Variants in ADAMTSL1 observed in about 807,000 individuals in gnomAD.
ADAMTSL1 encodes ADAMTS like 1.
A neutral mutation model predicts 201.8 loss-of-function variants in ADAMTSL1; 126 were observed. That is an observed-to-expected ratio of 0.62 (90% CI 0.54 to 0.72). The LOEUF is 0.72. Among genes scored for constraint, ADAMTSL1 ranks in the 30% least tolerant of loss-of-function variants. The pLI is 0.00. For synonymous variants in ADAMTSL1, 1,121 were observed against 903.4 expected (o/e 1.24, Z -4.32); for missense variants, 2,679 against 2,277.8 (o/e 1.18, Z -3.59).
At chr9:18,040,974 A>G (rs1309744772) in intron 1 of ADAMTSL1, among the ~76,000 whole-genome samples, 2 of 152,194 alleles carry the variant, frequency 1.3e-5, no homozygotes, top group Non-Finnish European at 2.9e-5. Context: ...GAAAATTTCA[A>G]TTTCTCAAGT....
chr9:18,273,762 T>C (rs553162757), intron 2 of ADAMTSL1, among the ~76,000 whole-genome samples: 2 of 152,314 alleles, frequency 1.3e-5, no homozygotes, highest in East Asian at 3.9e-4. Context: ...TCCTTGGTTG[T>C]AACCTAGATT....
At chr9:18,705,520 G>T (rs781735422) in intron 13 of ADAMTSL1, among the ~76,000 whole-genome samples, 1 of 152,120 alleles carries the variant, frequency 6.6e-6, no homozygotes, top group Non-Finnish European at 1.5e-5. Flanking sequence ...TCTTACTAAT[G>T]TAGCTTGTTT....
chr9:18,309,075 T>C (rs983148237), intron 2 of ADAMTSL1, among the ~76,000 whole-genome samples: 13 of 152,024 alleles, frequency 8.6e-5, no homozygotes, highest in African/African-American at 1.9e-4. Context: ...ACAAAACCAA[T>C]GACAAAAACC....
rs533495646 is a variant in ADAMTSL1 at position 18,077,144 on chromosome 9, C to A, written c.88-86718C>A. 2.6e-5 allele frequency among the ~76,000 whole-genome samples: 4 copies of A among 152,156 alleles called. No individual in the cohort carries two copies. In the East Asian group the frequency reaches 7.7e-4, roughly 29 times the overall value. On this transcript the variant is annotated intron_variant, in intron 1 of 29. Coordinates refer to the ADAMTSL1 transcript ENST00000680146. ...TTTGGACCAGTGGAATTTCTCATGC[C>A]TGTGAAATATCCAAATGTAGGTATA...
At chr9:18,040,976 T>C (rs1227010405) in intron 1 of ADAMTSL1, among the ~76,000 whole-genome samples, 1 of 152,204 alleles carries the variant, frequency 6.6e-6, no homozygotes, top group Non-Finnish European at 1.5e-5. Context: ...AAATTTCAAT[T>C]TCTCAAGTGA....
intron 1 of ADAMTSL1, among the ~76,000 whole-genome samples, chr9:17,959,030 G>T (rs993529670): frequency 1.3e-5 from 2 of 152,106 alleles, no homozygotes; most frequent in Admixed American, 1.3e-4. Flanking sequence ...TTTTCTGCCT[G>T]TGGGAATAGT....
chr9:18,254,237 G>C (rs900307882), intron 2 of ADAMTSL1, among the ~76,000 whole-genome samples: 4 of 148,188 alleles, frequency 2.7e-5, no homozygotes, highest in African/African-American at 5.0e-5. Context: ...TAGTGTGTTA[G>C]TCATCATTAT....
At chr9:18,063,544 A>T (rs1376869828) in intron 1 of ADAMTSL1, among the ~76,000 whole-genome samples, 1 of 152,230 alleles carries the variant, frequency 6.6e-6, no homozygotes. Flanking sequence ...TCATTGTTCA[A>T]AACAGGCATA....
At chr9:17,954,362 C>T (rs1310562253) in intron 1 of ADAMTSL1, among the ~76,000 whole-genome samples, 2 of 152,140 alleles carry the variant, frequency 1.3e-5, no homozygotes, top group African/African-American at 4.8e-5. Context: ...AATTAGAAGC[C>T]ATCTCAATGG....
chr9:18,612,744 G>A (rs568915517), intron 4 of ADAMTSL1, among the ~76,000 whole-genome samples: 3 of 152,288 alleles, frequency 2.0e-5, no homozygotes, highest in South Asian at 4.1e-4. Flanking sequence ...AGACTTAAGT[G>A]TAAAACCTAA....
At chr9:18,261,789 G>A (rs1179115692) in intron 2 of ADAMTSL1, among the ~76,000 whole-genome samples, 2 of 152,136 alleles carry the variant, frequency 1.3e-5, no homozygotes, top group East Asian at 3.9e-4. Context: ...TAGGTGGCAC[G>A]CATATCATAT....
intron 4 of ADAMTSL1, among the ~76,000 whole-genome samples, chr9:18,582,586 C>T (rs1375799147): frequency 2.6e-5 from 4 of 152,118 alleles, no homozygotes; most frequent in Non-Finnish European, 5.9e-5. Context: ...CAGTGGCTCA[C>T]ACCTGTAATC....
At chr9:17,954,307 G>A (rs867103167) in intron 1 of ADAMTSL1, among the ~76,000 whole-genome samples, 29 of 152,258 alleles carry the variant, frequency 1.9e-4, no homozygotes, top group Middle Eastern at 3.4e-3. Flanking sequence ...TTTCTGCCAC[G>A]TTCTATTGAT....
At chr9:18,766,092 G>A (rs972013866) in intron 16 of ADAMTSL1, among the ~76,000 whole-genome samples, 2 of 152,166 alleles carry the variant, frequency 1.3e-5, no homozygotes, top group Admixed American at 1.3e-4. Context: ...GGGAAAGGGG[G>A]GGTGTCGTAA....
At chr9:18,642,318 G>C (rs1052305531) in intron 7 of ADAMTSL1, among the ~76,000 whole-genome samples, 4 of 151,722 alleles carry the variant, frequency 2.6e-5, no homozygotes, top group Non-Finnish European at 4.4e-5. Flanking sequence ...TTTAATTAAT[G>C]AGTAAAAACT....
intron 9 of ADAMTSL1, among the ~76,000 whole-genome samples, chr9:18,670,095 A>G (rs1024913212): frequency 5.9e-5 from 9 of 152,178 alleles, no homozygotes; most frequent in African/African-American, 2.2e-4. Context: ...GGTTGTCTAG[A>G]GAAGATGGAG....
At chr9:18,893,043 C>G (rs111765148) in intron 26 of ADAMTSL1, among the ~76,000 whole-genome samples, 4 of 151,476 alleles carry the variant, frequency 2.6e-5, no homozygotes, top group Non-Finnish European at 5.9e-5. Context: ...TTGAAGCTAC[C>G]GCTCAATGCT....
intron 9 of ADAMTSL1, among the ~76,000 whole-genome samples, chr9:18,664,529 A>C (rs1206076731): frequency 6.6e-6 from 1 of 152,134 alleles, no homozygotes; most frequent in East Asian, 1.9e-4. Context: ...TAATTTCAAA[A>C]GAAATTTATT....
At chr9:18,545,258 T>C (rs1026265189) in intron 3 of ADAMTSL1, among the ~76,000 whole-genome samples, 22 of 152,132 alleles carry the variant, frequency 1.4e-4, no homozygotes, top group Non-Finnish European at 2.5e-4. Flanking sequence ...GATAAGGAAA[T>C]TGGAACATTT....
Sources: allele counts gnomAD v4.1 joint callset (sites outside exome capture counted in the v4.1 genomes callset), GRCh38; gene constraint gnomAD v4.1.1; transcripts MANE v1.5; gene names NCBI Gene and HGNC (gene_info 2026-07-23, HGNC 2026-07-21).